Variants in UBE3C observed in about 807,000 individuals in gnomAD.
UBE3C encodes the protein ubiquitin protein ligase E3C.
In UBE3C, 42 loss-of-function variants were observed where a neutral mutation model predicts 129.4. The ratio of observed to expected loss-of-function variants is 0.32; its 90% confidence interval spans 0.25 to 0.42. The LOEUF (loss-of-function observed/expected upper bound fraction) is 0.42. UBE3C is among the 10% of genes least tolerant of loss of function. The pLI is 1.00. For synonymous variants in UBE3C, 510 were observed against 492.4 expected, an observed-to-expected ratio of 1.04 and a Z score of -0.47; for missense variants, 1,049 against 1,319.1, an observed-to-expected ratio of 0.80 and a Z score of 3.17.
At chr7:157,220,825 C>A in intron 15 of UBE3C, 49 bp downstream of exon 15, 2 of 1,577,708 alleles carry the variant, frequency 1.3e-6, no homozygotes, top group South Asian at 1.1e-5. Context: ...TACATGCTGT[C>A]AAATTCACTC....
At chr7:157,221,126 T>G in intron 15 of UBE3C, 1 of 200,182 alleles carries the variant, frequency 5.0e-6, no homozygotes, top group South Asian at 1.3e-4. Flanking sequence ...AGTATTCCAG[T>G]GTGGGGATGC....
intron 11 of UBE3C, among the ~76,000 whole-genome samples, chr7:157,205,873 C>A (rs1809419596): frequency 6.6e-6 from 1 of 152,182 alleles, no homozygotes; most frequent in South Asian, 2.1e-4. Context: ...GTGCCCTCCC[C>A]TGAACCATGC....
At chr7:157,152,021 C>G (rs1034748524) in intron 1 of UBE3C, among the ~76,000 whole-genome samples, 1 of 152,166 alleles carries the variant, frequency 6.6e-6, no homozygotes, top group African/African-American at 2.4e-5. Flanking sequence ...GTGTGCTGGA[C>G]TGGGTAGGAT....
intron 21 of UBE3C, among the ~76,000 whole-genome samples, chr7:157,255,746 C>G (rs893198004): frequency 2.6e-5 from 4 of 152,078 alleles, no homozygotes; most frequent in Admixed American, 2.6e-4. Context: ...AATGAGGGAA[C>G]AATATACAGC....
chr7:157,209,951 C>T (rs1563057365), intron 13 of UBE3C, among the ~76,000 whole-genome samples: 3 of 152,150 alleles, frequency 2.0e-5, no homozygotes, highest in Admixed American at 6.5e-5. Flanking sequence ...GAGGCCAAGG[C>T]GGGTGGATCA....
chr7:157,265,618 C>T (rs1797056159), intron 22 of UBE3C, among the ~76,000 whole-genome samples: 1 of 152,206 alleles, frequency 6.6e-6, no homozygotes, highest in Non-Finnish European at 1.5e-5. Flanking sequence ...CATATAGCCT[C>T]ACCATTAATA....
chr7:157,187,012 C>T lies in UBE3C; in HGVS notation c.1322C>T (p.Pro441Leu). 3.1e-6 allele frequency: 5 copies of T among 1,603,540 alleles called. No individual in the cohort carries two copies. Among genetic ancestry groups the T allele is most frequent in the Non-Finnish European group, 4.3e-6 (5 of 1,174,836 alleles). Residue 441 changes from proline to leucine, a missense_variant, in exon 10 of 23, where the codon CCC becomes CTC. Transcript: ENST00000348165. ...TLMVQHRMMV[P>L]KVRLLYSLAF... The stretch of plus-strand genomic sequence containing the variant: ...ATGGTGCAGCACCGCATGATGGTAC[C>T]CAAAGTCAGGCAAGTGTCCGTGGGC...
chr7:157,164,397 C>T (rs1245996955), intron 2 of UBE3C: 2 of 456,484 alleles, frequency 4.4e-6, no homozygotes, highest in African/African-American at 2.0e-5. Flanking sequence ...CTCATGCAAT[C>T]GCCTCCCTCA....
chr7:157,244,556 G>A (rs1310102888), intron 18 of UBE3C, among the ~76,000 whole-genome samples: 1 of 152,146 alleles, frequency 6.6e-6, no homozygotes, highest in African/African-American at 2.4e-5. Context: ...CTTTAGAGCT[G>A]CCTGAAGATT....
At chr7:157,243,797 G>C (rs1796406685) in intron 18 of UBE3C, among the ~76,000 whole-genome samples, 1 of 152,180 alleles carries the variant, frequency 6.6e-6, no homozygotes, top group African/African-American at 2.4e-5. Context: ...CTTAACACAA[G>C]AATGAAAGGG....
intron 1 of UBE3C, among the ~76,000 whole-genome samples, chr7:157,145,666 C>T (rs1024837330): frequency 6.6e-6 from 1 of 152,222 alleles, no homozygotes; most frequent in Non-Finnish European, 1.5e-5. Flanking sequence ...GTAATCTTTT[C>T]AGATTGGTTT....
intron 22 of UBE3C, among the ~76,000 whole-genome samples, chr7:157,265,343 C>T (rs972405636): frequency 1.2e-4 from 18 of 152,230 alleles, no homozygotes; most frequent in Non-Finnish European, 2.4e-4. Flanking sequence ...ACATAAATCA[C>T]GTATCTCAAA....
intron 8 of UBE3C, 120 bp downstream of exon 8, chr7:157,182,448 T>A: frequency 1.0e-6 from 1 of 970,764 alleles, no homozygotes; most frequent in Non-Finnish European, 1.5e-6. Context: ...TGGAGGAGTG[T>A]ATTTGCTGGA....
chr7:157,193,813 C>T (rs2116962138), intron 10 of UBE3C, among the ~76,000 whole-genome samples: 1 of 152,196 alleles, frequency 6.6e-6, no homozygotes, highest in South Asian at 2.1e-4. Context: ...TTTAAGATGA[C>T]TGCAGTAGTA....
intron 6 of UBE3C, 136 bp from the exon 7 acceptor site, chr7:157,181,382 T>A: frequency 1.3e-6 from 1 of 744,868 alleles, no homozygotes; most frequent in Non-Finnish European, 2.1e-6. Context: ...TTTGTTTAGT[T>A]TTCCTTGCTA....
At chr7:157,164,185 A>T (rs887444948) in intron 2 of UBE3C, among the ~76,000 whole-genome samples, 4 of 151,718 alleles carry the variant, frequency 2.6e-5, no homozygotes, top group African/African-American at 9.7e-5. Context: ...TAAGATACTG[A>T]GTCTTGCTCT....
intron 11 of UBE3C, 107 bp from the exon 12 acceptor site, chr7:157,207,288 CAAA>C: frequency 1.4e-6 from 2 of 1,439,864 alleles, no homozygotes; most frequent in South Asian, 2.5e-5. Context: ...ATTCCTAATG[CAAA>C]TGTTACTTTC....
intron 20 of UBE3C, 40 bp downstream of exon 20, chr7:157,254,182 G>A (rs1472026018): frequency 2.5e-6 from 4 of 1,608,702 alleles, no homozygotes. Flanking sequence ...GCTTGTCACA[G>A]GAAATGAACA....
chr7:157,253,977 GA>G lies in UBE3C; in HGVS notation c.2721del (p.Asp908ThrfsTer21). ...AQVVELKFGG[K>X]DIPVTSANRI... ...AGGTAGTTGAACTAAAATTCGGTGG[GA>G]AAGACATCCCTGTCACCAGCGCCAA... On this transcript the variant is annotated frameshift_variant, in exon 20 of 23. Transcript: ENST00000348165. LOFTEE classifies it high-confidence loss of function. 1 of 1,589,724 alleles carries G rather than the reference GA, an allele frequency of 6.3e-7. No homozygotes were observed. Among genetic ancestry groups the G allele is most frequent in the Non-Finnish European group, 8.6e-7 (1 of 1,165,678 alleles).
Sources: allele counts gnomAD v4.1 joint callset (sites outside exome capture counted in the v4.1 genomes callset), GRCh38; gene constraint gnomAD v4.1.1; transcripts MANE v1.5; gene names NCBI Gene and HGNC (gene_info 2026-07-23, HGNC 2026-07-21).